Variants in SNX24 observed in about 807,000 individuals in gnomAD.
SNX24 encodes the protein sorting nexin-24.
Under a neutral mutation model 28.7 loss-of-function variants are expected in SNX24, and 22 were observed. That is an observed-to-expected ratio of 0.77 (90% CI 0.55 to 1.10). SNX24 has a LOEUF of 1.10. Ranked by LOEUF, SNX24 falls within the 50% of genes least tolerant of loss-of-function variation. The pLI, the probability that SNX24 is intolerant of heterozygous loss-of-function variation, is 0.00. For missense variants in SNX24, 221 were observed against 201.1 expected (o/e 1.10, Z -0.60); for synonymous variants, 69 against 71.5 (o/e 0.96, Z 0.18).
intron 3 of SNX24, among the ~76,000 whole-genome samples, chr5:122,949,283 G>A (rs1301562905): frequency 6.6e-6 from 1 of 151,966 alleles, no homozygotes; most frequent in Non-Finnish European, 1.5e-5. Context: ...TCTTCAACTT[G>A]AAAATAAACA....
At chr5:122,921,811 A>G (rs1433139841) in intron 1 of SNX24, among the ~76,000 whole-genome samples, 1 of 152,182 alleles carries the variant, frequency 6.6e-6, no homozygotes, top group African/African-American at 2.4e-5. Flanking sequence ...ACAAAAAAAA[A>G]AGCTTGCAAA....
rs149378516 is a variant in SNX24 at position 122,986,147 on chromosome 5, G to A, written c.250-13765G>A. On this transcript the variant is annotated intron_variant, in intron 3 of 6. Transcript: ENST00000261369. The stretch of plus-strand genomic sequence containing the variant: ...AGATGAGGAAAGTGGACAGTGATGG[G>A]TCATAGAGAGGCAGGGTTTTTTATT... Among the ~76,000 whole-genome samples the A allele has an allele frequency of 3.4e-3, 519 of 152,302 alleles. 5 individuals carry two copies. The highest frequency in any genetic ancestry group is 0.012 in the African/African-American group (501 of 41,554).
chr5:122,994,154 C>T (rs1399193184), intron 3 of SNX24, among the ~76,000 whole-genome samples: 1 of 152,128 alleles, frequency 6.6e-6, no homozygotes, highest in Non-Finnish European at 1.5e-5. Flanking sequence ...GCAAAGTGGT[C>T]TTGTCCAAGT....
chr5:122,975,066 C>T (rs61165682), intron 3 of SNX24, among the ~76,000 whole-genome samples: 23,502 of 152,244 alleles, frequency 0.15, 2,069 homozygotes, highest in East Asian at 0.35. Flanking sequence ...GAATCAATGT[C>T]AGCTCAGACT....
chr5:122,963,577 G>A (rs926366360), intron 3 of SNX24, among the ~76,000 whole-genome samples: 2 of 152,236 alleles, frequency 1.3e-5, no homozygotes, highest in East Asian at 3.9e-4. Flanking sequence ...TTTCAGTACT[G>A]CAATCTTCCA....
intron 1 of SNX24, among the ~76,000 whole-genome samples, chr5:122,934,361 A>G (rs1581767490): frequency 6.6e-6 from 1 of 152,072 alleles, no homozygotes; most frequent in East Asian, 1.9e-4. Context: ...AGGATTTATT[A>G]AATTTTTCTT....
At chr5:122,925,257 T>C (rs75903483) in intron 1 of SNX24, among the ~76,000 whole-genome samples, 13 of 80,872 alleles carry the variant, frequency 1.6e-4, no homozygotes, top group African/African-American at 1.8e-4. Context: ...TCCTCCTCCT[T>C]CCTTCCCCTC....
intron 1 of SNX24, among the ~76,000 whole-genome samples, chr5:122,909,002 C>T (rs530051221): frequency 1.5e-4 from 23 of 152,244 alleles, no homozygotes; most frequent in African/African-American, 5.5e-4. Context: ...CGAGACTGAC[C>T]TCACTGTGTA....
chr5:122,915,198 A>G lies in SNX24; in HGVS notation c.61-21536A>G, dbSNP rs189762082. Among the ~76,000 whole-genome samples, 569 of 152,208 alleles carry G rather than the reference A, an allele frequency of 3.7e-3. 4 individuals are homozygous for G. Among genetic ancestry groups the G allele is most frequent in the African/African-American group, 0.013 (526 of 41,540 alleles). The stretch of plus-strand genomic sequence containing the variant: ...CCTAATCATCTTTTAAAATTTGCCC[A>G]CTTTCATCTCCATCTCCATCATCAC... On this transcript the variant is annotated intron_variant, in intron 1 of 6. Transcript: ENST00000261369.
chr5:122,982,866 G>A (rs996551456), intron 3 of SNX24, among the ~76,000 whole-genome samples: 24 of 151,896 alleles, frequency 1.6e-4, no homozygotes, highest in Admixed American at 3.3e-4. Context: ...TATCTATAAT[G>A]GATAATACAT....
chr5:123,019,533 T>G (rs385996), intron 5 of SNX24, among the ~76,000 whole-genome samples: 35,219 of 152,236 alleles, frequency 0.23, 5,209 homozygotes, highest in Non-Finnish European at 0.34. Flanking sequence ...AAAAGTGTCA[T>G]TCCAACTAAT....
At chr5:123,011,045 G>A (rs1052680813), downstream of SNX24, among the ~76,000 whole-genome samples, 13 of 152,166 alleles carry the variant, frequency 8.5e-5, no homozygotes, top group Non-Finnish European at 1.8e-4. Context: ...CATTGCACAA[G>A]TCCAAGCAGT....
chr5:122,976,164 G>C (rs1225734246), intron 3 of SNX24, among the ~76,000 whole-genome samples: 1 of 151,846 alleles, frequency 6.6e-6, no homozygotes, highest in Non-Finnish European at 1.5e-5. Flanking sequence ...GGCTGATATA[G>C]GAAGAAATAT....
chr5:122,850,803 A>C (rs1427539920), intron 1 of SNX24, among the ~76,000 whole-genome samples: 1 of 151,942 alleles, frequency 6.6e-6, no homozygotes, highest in Non-Finnish European at 1.5e-5. Flanking sequence ...AAAAAAAAAA[A>C]AAAAACCCAC....
intron 1 of SNX24, among the ~76,000 whole-genome samples, chr5:122,934,616 G>A (rs150953165): frequency 1.3e-5 from 2 of 152,050 alleles, no homozygotes; most frequent in Admixed American, 1.3e-4. Flanking sequence ...CCTCGGCCTC[G>A]CAAAGTGCTG....
chr5:122,997,628 G>A (rs1480458154), intron 3 of SNX24, among the ~76,000 whole-genome samples: 1 of 152,170 alleles, frequency 6.6e-6, no homozygotes, highest in African/African-American at 2.4e-5. Flanking sequence ...ATAAACCTAA[G>A]TAACCCCCTG....
At chr5:122,944,167 C>T (rs1044501263) in intron 2 of SNX24, among the ~76,000 whole-genome samples, 5 of 152,204 alleles carry the variant, frequency 3.3e-5, no homozygotes, top group African/African-American at 9.6e-5. Flanking sequence ...GTTCCAGGCT[C>T]CTTGTGTCTC....
chr5:122,856,180 T>G (rs1322178099), intron 1 of SNX24, among the ~76,000 whole-genome samples: 1 of 152,188 alleles, frequency 6.6e-6, no homozygotes, highest in African/African-American at 2.4e-5. Context: ...TGTGCTCTTT[T>G]GTTTAGCTCC....
intron 1 of SNX24, among the ~76,000 whole-genome samples, chr5:122,902,667 C>G (rs1013410919): frequency 6.6e-6 from 1 of 152,146 alleles, no homozygotes; most frequent in Admixed American, 6.5e-5. Flanking sequence ...TACTGGATTC[C>G]CTAGCCCAGT....
Sources: gnomAD v4.1 joint callset for allele counts (sites outside exome capture counted in the v4.1 genomes callset) on GRCh38, gnomAD v4.1.1 for gene constraint, MANE v1.5 for transcripts, NCBI Gene and HGNC (gene_info 2026-07-23, HGNC 2026-07-21) for gene names.